Variants in DNAH10 observed in about 807,000 individuals in gnomAD.
The protein encoded by DNAH10 is axonemal beta dynein heavy chain 10.
A neutral mutation model predicts 506.6 loss-of-function variants in DNAH10; 348 were observed. That is an observed-to-expected ratio of 0.69 (90% CI 0.63 to 0.75). The LOEUF is 0.75. Among genes scored for constraint, DNAH10 ranks in the 30% least tolerant of loss-of-function variants. The pLI is 0.00. For missense variants in DNAH10, 5,179 were observed against 5,787.1 expected, an observed-to-expected ratio of 0.89 and a Z score of 3.41; for synonymous variants, 2,059 against 2,198.6, an observed-to-expected ratio of 0.94 and a Z score of 1.78.
At chr12:123,875,930 G>A (rs1952237322) in intron 47 of DNAH10, among the ~76,000 whole-genome samples, 1 of 152,210 alleles carries the variant, frequency 6.6e-6, no homozygotes. Flanking sequence ...GTTTTGGGAG[G>A]ATGAAAGGAG....
chr12:123,917,777 G>A lies in DNAH10; in HGVS notation c.11196G>A (p.Val3732=), dbSNP rs768773756. The change falls in exon 64 of 79, where the codon GTG becomes GTA. Residue 3732 remains valine, a synonymous_variant. Transcript: ENST00000673944. This position sits in a 1 kb window ranked among gnomAD's most constrained non-coding sequence, Gnocchi z 5.6. ...ACATGCTGGACAATGTGGACCTGGT[G>A]CACACCCTGGAGGAGACCAAATCCA... ...TGNMLDNVDL[V]HTLEETKSKA... The A allele has an allele frequency of 3.8e-6, 6 of 1,575,610 alleles. No individual in the cohort carries two copies. In the East Asian group the frequency reaches 1.4e-4, roughly 37 times the overall value.
chr12:123,795,439 G>A (rs1958242408), intron 12 of DNAH10, among the ~76,000 whole-genome samples: 1 of 152,110 alleles, frequency 6.6e-6, no homozygotes, highest in South Asian at 2.1e-4. Context: ...AGTCTCTAGG[G>A]ATGATTCAGT....
intron 7 of DNAH10, 125 bp from the exon 8 acceptor site, chr12:123,783,822 C>T (rs1449074567): frequency 8.5e-6 from 7 of 823,486 alleles, no homozygotes; most frequent in Non-Finnish European, 1.4e-5. Flanking sequence ...GGTCAAGAGC[C>T]CACCCCTGAA....
rs1952222660 is a variant in DNAH10, at chr12:123,875,576, A to C, written c.8199+85A>C. On this transcript the variant is annotated intron_variant, in intron 47 of 78. Coordinates refer to ENST00000673944, the MANE Select transcript of DNAH10 (RefSeq NM_001372106.1). ...ACAGGGCTGACTTATCCATGTAGGC[A>C]CAGCAGGGTTAGGGCCCTCAATACT... 3 of 1,540,570 alleles carry C rather than the reference A, an allele frequency of 1.9e-6. No homozygotes were observed. In the East Asian group the frequency reaches 6.8e-5, roughly 35 times the overall value.
chr12:123,780,762 A>G (rs1429819333), intron 5 of DNAH10, among the ~76,000 whole-genome samples: 1 of 151,614 alleles, frequency 6.6e-6, no homozygotes, highest in Non-Finnish European at 1.5e-5. Flanking sequence ...TAGCCTGGCC[A>G]ACATGGTGAA....
rs1696007176 is a variant in DNAH10 at position 123,928,167 on chromosome 12, C to T, written c.12106-220C>T. On this transcript the variant is annotated intron_variant, in intron 69 of 78. Coordinates refer to ENST00000673944, the MANE Select transcript of DNAH10 (RefSeq NM_001372106.1). This position sits in a 1 kb window ranked among gnomAD's most constrained non-coding sequence, Gnocchi z 4.9. The stretch of plus-strand genomic sequence containing the variant: ...TGAGTGCAAAATGCTCACCCATCTT[C>T]CAGGCTGGGTGTGACCAGCTCAGTG... 2 of 604,100 alleles carry T rather than the reference C, an allele frequency of 3.3e-6. No individual in the cohort carries two copies. Among genetic ancestry groups the T allele is most frequent in the Non-Finnish European group, 5.8e-6 (2 of 342,408 alleles). 37.4% of individuals were successfully genotyped at this position (604,100 alleles called of 1,614,324 possible). A position where few individuals can be genotyped will look rare whatever the true frequency, so the allele number is the denominator to read the frequency against.
intron 11 of DNAH10, among the ~76,000 whole-genome samples, chr12:123,792,700 A>T (rs1020159966): frequency 6.6e-6 from 1 of 152,048 alleles, no homozygotes; most frequent in Admixed American, 6.6e-5. Flanking sequence ...ACTTCAAGTG[A>T]TCCGCCTGCC....
At chr12:123,764,563 T>C (rs1457543832) in intron 1 of DNAH10, among the ~76,000 whole-genome samples, 1 of 152,180 alleles carries the variant, frequency 6.6e-6, no homozygotes, top group African/African-American at 2.4e-5. Context: ...TCCAAGGGCC[T>C]CTGTTAACGG....
chr12:123,918,270 G>A (rs1183886639), intron 64 of DNAH10, among the ~76,000 whole-genome samples: 1 of 152,236 alleles, frequency 6.6e-6, no homozygotes, highest in African/African-American at 2.4e-5. Flanking sequence ...AAAGGGGTAA[G>A]TGAGAATCTT....
At chr12:123,801,585 A>T (rs537487182) in intron 16 of DNAH10, among the ~76,000 whole-genome samples, 153 bp downstream of exon 16, 1 of 152,256 alleles carries the variant, frequency 6.6e-6, no homozygotes, top group Admixed American at 6.5e-5. Flanking sequence ...CTTAGAACTG[A>T]TCTCCAGGCT....
intron 69 of DNAH10, chr12:123,927,279 A>C: frequency 5.9e-6 from 1 of 169,478 alleles, no homozygotes; most frequent in Non-Finnish European, 1.2e-5. Context: ...CTGGTCTTGA[A>C]CTCCTGGGCT....
In DNAH10 at chr12:123,833,153, T is replaced by C. The variant is rs201579293; in HGVS notation, c.4585T>C (p.Phe1529Leu). ...EILDTWENMKFTVVKYCKGTQ... is the reference protein window; with the variant it reads ...EILDTWENMKLTVVKYCKGTQ... ...CCTAGACACGTGGGAAAATATGAAATTCACTGTAGTCAAGTATTGCAAAGG... is the reference window on the plus strand; with the variant it reads ...CCTAGACACGTGGGAAAATATGAAACTCACTGTAGTCAAGTATTGCAAAGG... Residue 1529 changes from phenylalanine to leucine, a missense_variant, in exon 27 of 79, where the codon TTC becomes CTC. Physicochemically the swap from Phe to Leu is conservative, Grantham distance 22. Around this residue, in one of 3 missense-constraint regions of DNAH10, gnomAD observed 4,844 missense variants for 5,430.5 expected, o/e 0.89. Transcript: ENST00000673944. 8.3e-5 allele frequency: 134 copies of C among 1,613,502 alleles called. No individual in the cohort carries two copies. In the African/African-American group the frequency reaches 1.7e-3, roughly 20 times the overall value.
chr12:123,777,530 C>T (rs1957485432), intron 5 of DNAH10, among the ~76,000 whole-genome samples: 2 of 152,234 alleles, frequency 1.3e-5, no homozygotes, highest in Non-Finnish European at 2.9e-5. Flanking sequence ...ACTGAGCTGC[C>T]TGCACACAAG....
In DNAH10 at chr12:123,800,198, G is replaced by A; in HGVS notation, c.2290-18G>A. ...CTTGGACTGCCCTGGCCGCGCTGAT[G>A]GAATGTCTCTTCCACAGTCTTCCAT... On this transcript the variant is annotated intron_variant, in intron 14 of 78. Transcript: ENST00000673944. 1 of 1,611,896 alleles carries A rather than the reference G, an allele frequency of 6.2e-7. No homozygotes were observed. Among genetic ancestry groups the A allele is most frequent in the East Asian group, 2.2e-5 (1 of 44,846 alleles).
At chr12:123,895,631 CAG>C (rs909059876) in intron 54 of DNAH10, among the ~76,000 whole-genome samples, 12 of 152,262 alleles carry the variant, frequency 7.9e-5, no homozygotes, top group South Asian at 4.1e-4. Flanking sequence ...TTTACAAAAA[CAG>C]GGGGCGGGCT....
intron 18 of DNAH10, among the ~76,000 whole-genome samples, chr12:123,807,650 G>C (rs1056254141): frequency 1.3e-4 from 19 of 151,744 alleles, no homozygotes; most frequent in African/African-American, 4.1e-4. Context: ...CAGGTCACAG[G>C]GAGCCTGGGA....
chr12:123,879,036 A>G (rs1241717459), intron 48 of DNAH10, among the ~76,000 whole-genome samples: 1 of 152,080 alleles, frequency 6.6e-6, no homozygotes, highest in African/African-American at 2.4e-5. Context: ...TTTCTTTCCT[A>G]CAGTAAGATA....
rs764782048 is a variant in DNAH10 at position 123,925,199 on chromosome 12, A to G, written c.11916A>G (p.Gly3972=). 3 of 1,613,894 alleles carry G rather than the reference A, an allele frequency of 1.9e-6. No homozygotes were observed. Among genetic ancestry groups the G allele is most frequent in the Non-Finnish European group, 2.5e-6 (3 of 1,179,848 alleles). ...AVTDYVTVTM[G]EKYVQPPMIS... ...CTGACTATGTGACTGTAACAATGGG[A>G]GAGAAGTAAGTGTGTCGTTTTGTTG... is the stretch of plus-strand genomic sequence containing the variant. The change falls in exon 68 of 79, where the codon GGA becomes GGG. Residue 3972 remains glycine, a synonymous_variant. Transcript: ENST00000673944. The surrounding 1 kb of genome is among the most constrained non-coding windows in gnomAD (Gnocchi z 4.0).
At chr12:123,921,636 A>G (rs1233240875) in intron 65 of DNAH10, among the ~76,000 whole-genome samples, 1 of 146,450 alleles carries the variant, frequency 6.8e-6, no homozygotes, top group African/African-American at 2.5e-5. Flanking sequence ...GTGAGAGTCA[A>G]CTTTCTCAGC....
Sources: allele counts gnomAD v4.1 joint callset (sites outside exome capture counted in the v4.1 genomes callset), GRCh38; gene constraint gnomAD v4.1.1; regional missense constraint gnomAD v4.1.1; non-coding constraint Gnocchi (gnomAD v3.1); transcripts MANE v1.5; gene names NCBI Gene and HGNC (gene_info 2026-07-23, HGNC 2026-07-21).